The following CHD6 variants were observed in gnomAD, a reference collection of about 807,000 sequenced individuals.
CHD6 encodes the protein ATP-dependent chromatin remodeler CHD6.
Under a neutral mutation model 276.9 loss-of-function variants are expected in CHD6, and 50 were observed. The observed-to-expected ratio is 0.18, with a 90% CI of 0.14 to 0.23. The LOEUF is 0.23. CHD6 is among the 10% of genes least tolerant of loss of function. The pLI is 1.00. For missense variants in CHD6, 2,564 were observed against 3,365.8 expected, an observed-to-expected ratio of 0.76 and a Z score of 5.89; for synonymous variants, 1,173 against 1,229.3, an observed-to-expected ratio of 0.95 and a Z score of 0.96.
intron 27 of CHD6, among the ~76,000 whole-genome samples, chr20:41,429,513 G>A (rs2047468038): frequency 6.6e-6 from 1 of 152,152 alleles, no homozygotes. Context: ...AGTGTGCTCT[G>A]GAAGGCGCTG....
At position 41,452,622 on chromosome 20, in the gene CHD6, C is replaced by A. The variant is rs774096995; in HGVS notation, c.3323+118G>T. 1.1e-6 allele frequency: 1 copy of A among 871,086 alleles called. No individual in the cohort carries two copies. Among genetic ancestry groups the A allele is most frequent in the Non-Finnish European group, 1.8e-6 (1 of 556,988 alleles). 54.0% of individuals were successfully genotyped at this position (871,086 alleles called of 1,614,324 possible). A position where few individuals can be genotyped will look rare whatever the true frequency, so the allele number is the denominator to read the frequency against. On this transcript the variant is annotated intron_variant, in intron 21 of 36. Transcript: ENST00000373233. The surrounding 1 kb of genome is among the most constrained non-coding windows in gnomAD (Gnocchi z 4.2). ...AGTTCTCTCTTGCTCCAACAGATCC[C>A]CCTTTGCCCTATAATTCCAAAGGTG...
chr20:41,514,765 G>T, intron 4 of CHD6, 40 bp downstream of exon 4: 1 of 1,606,672 alleles, frequency 6.2e-7, no homozygotes, highest in African/African-American at 1.3e-5. Flanking sequence ...TCCCATCCAG[G>T]AGCCGTAATC....
rs2145668009 is a variant in CHD6 at position 41,452,553 on chromosome 20, T to C, written c.3323+187A>G. On this transcript the variant is annotated intron_variant, in intron 21 of 36. Transcript: ENST00000373233. The surrounding 1 kb of genome is among the most constrained non-coding windows in gnomAD (Gnocchi z 4.2). ...AATCATGGCATGTCTGCATTGTGGT[T>C]GCGGAGCATACGGTGACTGAGACGG... is the stretch of plus-strand genomic sequence containing the variant. 6.6e-6 allele frequency among the ~76,000 whole-genome samples: 1 copy of C among 152,270 alleles called. No homozygotes were observed. The highest frequency in any genetic ancestry group is 2.1e-4 in the South Asian group (1 of 4,808).
chr20:41,478,102 T>C (rs372000100), intron 16 of CHD6, among the ~76,000 whole-genome samples: 1 of 152,062 alleles, frequency 6.6e-6, no homozygotes, highest in African/African-American at 2.4e-5. Context: ...AAAATGCTGA[T>C]ATAGAAGGGT....
At chr20:41,489,571 T>A (rs1040314392) in intron 12 of CHD6, among the ~76,000 whole-genome samples, 4 of 152,152 alleles carry the variant, frequency 2.6e-5, no homozygotes, top group African/African-American at 9.7e-5. Context: ...TATCTCAGAG[T>A]TTAGACAGCA....
At chr20:41,600,370 CAAT>C (rs1414999075) in intron 1 of CHD6, among the ~76,000 whole-genome samples, 1 of 152,078 alleles carries the variant, frequency 6.6e-6, no homozygotes, top group Admixed American at 6.5e-5. Context: ...ATTTGAAGTT[CAAT>C]AACAGGCAAA....
chr20:41,488,405 T>C, intron 13 of CHD6, 23 bp downstream of exon 13: 2 of 1,590,188 alleles, frequency 1.3e-6, no homozygotes, highest in Non-Finnish European at 1.7e-6. Flanking sequence ...CCTGTGTTTA[T>C]GTAAAGAGAT....
rs573546855 is a variant in CHD6 at position 41,520,418 on chromosome 20, C to G, written c.555-5466G>C. ...CACAATAGCAAAGACTTGGAACCAA[C>G]CCAAATGTCCAACAATGATAGACTG... On this transcript the variant is annotated intron_variant, in intron 3 of 36. Transcript: ENST00000373233. Among the ~76,000 whole-genome samples, 121 of 152,158 alleles carry G rather than the reference C, an allele frequency of 8.0e-4. 2 individuals are homozygous for G. The highest frequency in any genetic ancestry group is 1.6e-3 in the Non-Finnish European group (106 of 68,000).
chr20:41,440,265 G>C (rs2145598263), intron 25 of CHD6, 136 bp from the exon 26 acceptor site: 1 of 790,598 alleles, frequency 1.3e-6, no homozygotes. Flanking sequence ...AGATTAATGA[G>C]ATCCTATAAG....
intron 27 of CHD6, among the ~76,000 whole-genome samples, chr20:41,436,661 C>T (rs962858081): frequency 3.3e-5 from 5 of 152,192 alleles, no homozygotes; most frequent in African/African-American, 9.7e-5. Context: ...TTCCATACCA[C>T]TGAATACTAC....
rs369533037 is a variant in CHD6, at chr20:41,405,261, C to A, written c.7480G>T (p.Gly2494Trp). ...MRNMPGIPLT[G>W]LVGFPAGFAT... ...AAGCCAGCTGGAAACCCCACCAGCC[C>A]GGTGAGGGGGATGCCTGGCATATTT... The change falls in exon 37 of 37, where the codon GGG becomes TGG. Residue 2494 changes from glycine to tryptophan, a missense_variant. Physicochemically the swap from Gly to Trp is radical, Grantham distance 184. Around this residue, in one of 7 missense-constraint regions of CHD6, gnomAD observed 25 missense variants for 50.8 expected, o/e 0.49. Coordinates refer to ENST00000373233, the MANE Select transcript of CHD6 (RefSeq NM_032221.5). 1 of 1,614,048 alleles carries A rather than the reference C, an allele frequency of 6.2e-7. No homozygotes were observed. Among genetic ancestry groups the A allele is most frequent in the Non-Finnish European group, 8.5e-7 (1 of 1,180,034 alleles).
At chr20:41,417,711 C>A (rs530007028) in intron 31 of CHD6, among the ~76,000 whole-genome samples, 1 of 152,292 alleles carries the variant, frequency 6.6e-6, no homozygotes, top group South Asian at 2.1e-4. Context: ...AACATTCTAA[C>A]ACTTTGAGAT....
chr20:41,568,452 T>C (rs957376188), intron 1 of CHD6, among the ~76,000 whole-genome samples: 2 of 152,144 alleles, frequency 1.3e-5, no homozygotes, highest in African/African-American at 4.8e-5. Context: ...AGTTTGTACT[T>C]TGAGATAATT....
intron 17 of CHD6, among the ~76,000 whole-genome samples, chr20:41,467,159 A>G (rs1459376377): frequency 6.6e-6 from 1 of 152,176 alleles, no homozygotes. Context: ...GCTAAATTAC[A>G]TAGAAATAAA....
At chr20:41,558,200 A>G (rs951776785) in intron 1 of CHD6, among the ~76,000 whole-genome samples, 2 of 152,064 alleles carry the variant, frequency 1.3e-5, no homozygotes, top group Non-Finnish European at 2.9e-5. Flanking sequence ...ACCTTTCTCT[A>G]TTGCCAGGTG....
chr20:41,487,970 G>C (rs748845049), intron 13 of CHD6, among the ~76,000 whole-genome samples, 162 bp from the exon 14 acceptor site: 2 of 152,114 alleles, frequency 1.3e-5, no homozygotes, highest in African/African-American at 4.8e-5. Flanking sequence ...GTCAATAAAC[G>C]AATCAACCTT....
At chr20:41,557,112 T>G (rs1013930708) in intron 1 of CHD6, among the ~76,000 whole-genome samples, 6 of 152,228 alleles carry the variant, frequency 3.9e-5, no homozygotes, top group Admixed American at 2.0e-4. Flanking sequence ...ATTCTACAGA[T>G]AACTCCGTGT....
At chr20:41,617,722 C>G (rs900627548) in intron 1 of CHD6, among the ~76,000 whole-genome samples, 2 of 152,186 alleles carry the variant, frequency 1.3e-5, no homozygotes, top group Admixed American at 1.3e-4. Flanking sequence ...CGAGTGCGCG[C>G]TAGTGCGTAA....
In CHD6 at chr20:41,594,874, A is replaced by G. The variant is rs181583538; in HGVS notation, c.-24+23466T>C. ...GGACACAGGAACTGTGTTAGGGATA[A>G]AAACCCCTGCCCTACCCTGCTCAGT... On this transcript the variant is annotated intron_variant, in intron 1 of 36. Transcript: ENST00000373233. Among the ~76,000 whole-genome samples the G allele has an allele frequency of 9.5e-4, 145 of 152,356 alleles. 4 individuals are homozygous for G. Among genetic ancestry groups the G allele is most frequent in the Admixed American group, 8.8e-3 (134 of 15,312 alleles).
Sources: allele counts gnomAD v4.1 joint callset (sites outside exome capture counted in the v4.1 genomes callset), GRCh38; gene constraint gnomAD v4.1.1; regional missense constraint gnomAD v4.1.1; non-coding constraint Gnocchi (gnomAD v3.1); transcripts MANE v1.5; gene names NCBI Gene and HGNC (gene_info 2026-07-23, HGNC 2026-07-21).